The following NFE2L3 variants were observed in gnomAD, a reference collection of about 807,000 sequenced individuals.
NFE2L3 encodes the protein nuclear factor erythroid 2-related factor 3.
NFE2L3 carries 18 observed loss-of-function variants against 23.5 expected under a neutral mutation model. That is an observed-to-expected ratio of 0.77 (90% CI 0.53 to 1.13). NFE2L3 has a LOEUF of 1.13. NFE2L3 is among the 50% of genes most tolerant of loss of function. The probability of loss-of-function intolerance (pLI) is 0.00; values close to 1 mark genes in which losing one functional copy is unlikely to be tolerated. For missense variants in NFE2L3, 1,152 were observed against 877.2 expected, an observed-to-expected ratio of 1.31 and a Z score of -3.96; for synonymous variants, 424 against 354.5, an observed-to-expected ratio of 1.20 and a Z score of -2.20.
Position 26,185,277 on chromosome 7 carries a change from T to G in NFE2L3, c.1579T>G (p.Tyr527Asp). 1.2e-6 allele frequency: 2 copies of G among 1,614,146 alleles called. No individual in the cohort carries two copies. The highest frequency in any genetic ancestry group is 1.3e-5 in the African/African-American group (1 of 75,048). Residue 527 changes from tyrosine (Y) to aspartate (D), a missense_variant, in exon 4 of 4, where the codon TAC (tyrosine) becomes GAC (aspartate). By Grantham distance (160) the Tyr-to-Asp change is radical (BLOSUM62 -3). Coordinates refer to ENST00000056233, the MANE Select transcript of NFE2L3 (RefSeq NM_004289.7). ...PGKSQKIRSR[Y>D]LEDTDRNLSR... The stretch of plus-strand genomic sequence containing the variant: ...GAAGTCACAGAAGATAAGGAGTAGA[T>G]ACCTTGAAGACACAGATAGAAACTT...
At chr7:26,181,354 G>A (rs1356685717) in intron 2 of NFE2L3, among the ~76,000 whole-genome samples, 1 of 152,132 alleles carries the variant, frequency 6.6e-6, no homozygotes, top group African/African-American at 2.4e-5. Context: ...TTTAAAGCTT[G>A]TTGAAATAAA....
Position 26,184,564 on chromosome 7 carries a change from G to T in NFE2L3, c.866G>T (p.Gly289Val). ...GISLGDIPLPGSISDGMNSSA... is the reference protein window; with the variant it reads ...GISLGDIPLPVSISDGMNSSA... ...TCATTGGGAGATATTCCTCTTCCAG[G>T]CAGTATCAGTGATGGCATGAATTCT... The change falls in exon 4 of 4, where the codon GGC (glycine) becomes GTC (valine). Residue 289 changes from glycine (G) to valine (V), a missense_variant. Gly to Val is a moderately radical substitution (Grantham distance 109). Coordinates refer to ENST00000056233, the MANE Select transcript of NFE2L3 (RefSeq NM_004289.7). 1 of 1,613,248 alleles carries T rather than the reference G, an allele frequency of 6.2e-7. No individual in the cohort carries two copies. Among genetic ancestry groups the T allele is most frequent in the Non-Finnish European group, 8.5e-7 (1 of 1,179,402 alleles).
intron 3 of NFE2L3, 25 bp from the exon 4 acceptor site, chr7:26,184,508 G>C (rs73281530): frequency 6.3e-7 from 1 of 1,583,400 alleles, no homozygotes; most frequent in Admixed American, 1.8e-5. Flanking sequence ...ATTCATGTTT[G>C]AAGTGTTTCT....
At chr7:26,183,412 G>A (rs559460975) in intron 2 of NFE2L3, among the ~76,000 whole-genome samples, 1 of 152,280 alleles carries the variant, frequency 6.6e-6, no homozygotes, top group South Asian at 2.1e-4. Flanking sequence ...GCCAGACGTG[G>A]TGGTGCACAG....
intron 2 of NFE2L3, 129 bp downstream of exon 2, chr7:26,178,251 A>G: frequency 1.4e-6 from 1 of 707,064 alleles, no homozygotes; most frequent in Non-Finnish European, 2.3e-6. Flanking sequence ...GATATATGAA[A>G]ATACCTATGT....
intron 1 of NFE2L3, among the ~76,000 whole-genome samples, chr7:26,172,601 CTCAG>C (rs1379626270): frequency 1.3e-5 from 2 of 152,188 alleles, no homozygotes; most frequent in Non-Finnish European, 2.9e-5. Flanking sequence ...ACACTCCTCT[CTCAG>C]TGTTTCTTCA....
In NFE2L3 at chr7:26,152,262, C is replaced by A. The variant is rs913762833; in HGVS notation, c.-237C>A. The A allele has an allele frequency of 1.3e-5, 3 of 231,926 alleles. No homozygotes were observed. The highest frequency in any genetic ancestry group is 1.0e-4 in the East Asian group (1 of 9,864). 14.4% of individuals were successfully genotyped at this position (231,926 alleles called of 1,614,324 possible). ...AACGGGCTCGGCGCTCAGGTGGCTC[C>A]TTCTTCGCTTCTCCCGATCCCCGGC... On this transcript the variant is annotated 5_prime_UTR_variant, in exon 1 of 4. Coordinates refer to ENST00000056233, the MANE Select transcript of NFE2L3 (RefSeq NM_004289.7). The surrounding 1 kb of genome is among the most constrained non-coding windows in gnomAD (Gnocchi z 4.4).
intron 1 of NFE2L3, among the ~76,000 whole-genome samples, chr7:26,167,274 G>A (rs1282403055): frequency 2.0e-5 from 3 of 152,204 alleles, no homozygotes; most frequent in Non-Finnish European, 4.4e-5. Context: ...AACAGGATAA[G>A]TGCCATAAGA....
chr7:26,170,211 G>C (rs574698465), intron 1 of NFE2L3, among the ~76,000 whole-genome samples: 1 of 152,254 alleles, frequency 6.6e-6, no homozygotes, highest in Non-Finnish European at 1.5e-5. Context: ...GATGTGACAT[G>C]GTCCCCAGGT....
intron 1 of NFE2L3, among the ~76,000 whole-genome samples, chr7:26,171,915 C>G (rs1477415537): frequency 6.6e-6 from 1 of 152,152 alleles, no homozygotes; most frequent in Non-Finnish European, 1.5e-5. Flanking sequence ...TTTTTACTGT[C>G]GTATTCCCAG....
chr7:26,161,766 G>A (rs1784176882), intron 1 of NFE2L3, among the ~76,000 whole-genome samples: 1 of 151,980 alleles, frequency 6.6e-6, no homozygotes, highest in African/African-American at 2.4e-5. Context: ...CTCTGGATGG[G>A]GGTGGAGGTA....
At chr7:26,154,849 C>T (rs1784057169) in intron 1 of NFE2L3, among the ~76,000 whole-genome samples, 1 of 152,216 alleles carries the variant, frequency 6.6e-6, no homozygotes, top group South Asian at 2.1e-4. Flanking sequence ...CCTAGACTGG[C>T]AGGCCTGCCT....
At chr7:26,178,724 C>G (rs1052695840) in intron 2 of NFE2L3, among the ~76,000 whole-genome samples, 10 of 152,130 alleles carry the variant, frequency 6.6e-5, no homozygotes, top group African/African-American at 2.4e-4. Flanking sequence ...GCGATCTGTG[C>G]TTCCTCCTCC....
intron 1 of NFE2L3, among the ~76,000 whole-genome samples, chr7:26,156,721 G>A (rs1294163139): frequency 6.6e-6 from 1 of 152,208 alleles, no homozygotes; most frequent in Non-Finnish European, 1.5e-5. Flanking sequence ...GAAACTGAGA[G>A]GGCTTGTAGT....
chr7:26,177,477 A>T (rs1784434325), intron 1 of NFE2L3, among the ~76,000 whole-genome samples: 1 of 152,086 alleles, frequency 6.6e-6, no homozygotes, highest in Admixed American at 6.5e-5. Flanking sequence ...CGTCCCTGCA[A>T]TCCCAGGCAC....
At chr7:26,165,634 T>TTCAA (rs1784237342) in intron 1 of NFE2L3, among the ~76,000 whole-genome samples, 1 of 152,192 alleles carries the variant, frequency 6.6e-6, no homozygotes. Context: ...TTGAATACCC[T>TTCAA]TTATTTCCTT....
In NFE2L3 at chr7:26,177,935, T is replaced by C; in HGVS notation, c.571-8T>C. 1.2e-6 allele frequency: 2 copies of C among 1,606,738 alleles called. No homozygotes were observed. Among genetic ancestry groups the C allele is most frequent in the Admixed American group, 1.7e-5 (1 of 58,052 alleles). On this transcript the variant is annotated splice_region_variant and splice_polypyrimidine_tract_variant and intron_variant, in intron 1 of 3. Coordinates refer to ENST00000056233, the MANE Select transcript of NFE2L3 (RefSeq NM_004289.7). ...TTGCTTATTTGATGAAATTTCGTAC[T>C]TTTATAGGAGAATGGGGTACTAAGA...
At chr7:26,167,039 C>T (rs1435443054) in intron 1 of NFE2L3, among the ~76,000 whole-genome samples, 1 of 152,226 alleles carries the variant, frequency 6.6e-6, no homozygotes, top group East Asian at 1.9e-4. Flanking sequence ...AAGCGGCACA[C>T]TTGCCAGTTG....
At chr7:26,182,217 CACTG>C (rs1382979710) in intron 2 of NFE2L3, among the ~76,000 whole-genome samples, 7 of 151,926 alleles carry the variant, frequency 4.6e-5, no homozygotes, top group African/African-American at 1.7e-4. Context: ...TTATAAATAA[CACTG>C]AGAGCAAACT....
Sources: gnomAD v4.1 joint callset for allele counts (sites outside exome capture counted in the v4.1 genomes callset) on GRCh38, gnomAD v4.1.1 for gene constraint, Gnocchi (gnomAD v3.1) non-coding constraint, MANE v1.5 for transcripts, NCBI Gene and HGNC (gene_info 2026-07-23, HGNC 2026-07-21) for gene names.